GRID1: variants seen among roughly 807,000 people sequenced by gnomAD.
GRID1 encodes the protein glutamate receptor ionotropic, delta-1.
In GRID1, 28 loss-of-function variants were observed where a neutral mutation model predicts 98.0. The ratio of observed to expected loss-of-function variants is 0.29; its 90% CI spans 0.21 to 0.39. The LOEUF (loss-of-function observed/expected upper bound fraction) is 0.39, where lower values mean the gene tolerates loss of function less well. GRID1 is among the 10% of genes least tolerant of loss of function. The pLI, the probability that GRID1 is intolerant of heterozygous loss-of-function variation, is 1.00. For synonymous variants in GRID1, 553 were observed against 538.5 expected, an observed-to-expected ratio of 1.03 and a Z score of -0.37; for missense variants, 1,111 against 1,340.5, an observed-to-expected ratio of 0.83 and a Z score of 2.67.
At chr10:86,085,403 C>G (rs1350889877) in intron 4 of GRID1, among the ~76,000 whole-genome samples, 1 of 152,096 alleles carries the variant, frequency 6.6e-6, no homozygotes, top group Non-Finnish European at 1.5e-5. Flanking sequence ...CAGATGCAGG[C>G]AAGTGTGAGA....
intron 5 of GRID1, among the ~76,000 whole-genome samples, chr10:85,876,582 A>G (rs1487421872): frequency 3.3e-5 from 5 of 152,190 alleles, no homozygotes; most frequent in African/African-American, 9.7e-5. Context: ...GGAGTCCATT[A>G]TTCAGCCCAC....
At chr10:85,614,690 C>T (rs1054510212) in intron 14 of GRID1, among the ~76,000 whole-genome samples, 4 of 152,220 alleles carry the variant, frequency 2.6e-5, no homozygotes, top group Middle Eastern at 3.4e-3. Context: ...GATATGGGAG[C>T]AGGCATTAGG....
chr10:85,926,877 T>C (rs571037863), intron 4 of GRID1, among the ~76,000 whole-genome samples: 2 of 152,282 alleles, frequency 1.3e-5, no homozygotes, highest in South Asian at 4.1e-4. Flanking sequence ...AAATTAGCCA[T>C]AAAGATTTCT....
At chr10:85,860,559 G>A (rs1253943634) in intron 6 of GRID1, among the ~76,000 whole-genome samples, 5 of 152,122 alleles carry the variant, frequency 3.3e-5, no homozygotes, top group Admixed American at 2.6e-4. Flanking sequence ...GGGACTGGAT[G>A]GTTTCATTTA....
chr10:85,892,458 G>A (rs531339549), intron 5 of GRID1, among the ~76,000 whole-genome samples: 22 of 151,534 alleles, frequency 1.5e-4, no homozygotes, highest in Admixed American at 5.9e-4. Context: ...AAGAAGATCC[G>A]ATATGCAGGG....
chr10:85,623,681 AG>A lies in GRID1; in HGVS notation c.2194-3649del, dbSNP rs773015267. Among the ~76,000 whole-genome samples, 4 of 152,174 alleles carry A rather than the reference AG, an allele frequency of 2.6e-5. No individual in the cohort carries two copies. The East Asian group carries it at 7.7e-4, about 29-fold the overall frequency. On this transcript the variant is annotated intron_variant, in intron 13 of 15. Coordinates refer to ENST00000327946, the MANE Select transcript of GRID1 (RefSeq NM_017551.3). Reference sequence around the variant, plus strand: ...TTCCTCCAATCCCACTCCTAGGTTCAGACCCCTCCTCTGTGGGTGCAACCTC... The same window carrying A: ...TTCCTCCAATCCCACTCCTAGGTTCAACCCCTCCTCTGTGGGTGCAACCTC...
intron 12 of GRID1, 41 bp downstream of exon 12, chr10:85,722,962 C>T (rs776183677): frequency 1.5e-5 from 23 of 1,573,938 alleles, no homozygotes; most frequent in Non-Finnish European, 2.0e-5. Context: ...TTTAAAGCCT[C>T]TCTGAGCTGC....
chr10:85,855,940 G>A, intron 7 of GRID1, 89 bp downstream of exon 7: 2 of 1,220,018 alleles, frequency 1.6e-6, no homozygotes, highest in Non-Finnish European at 2.4e-6. Flanking sequence ...ACAGAGCCTA[G>A]CTTCAGGCCA....
At chr10:86,094,190 C>T (rs374316932) in intron 4 of GRID1, among the ~76,000 whole-genome samples, 31 of 152,302 alleles carry the variant, frequency 2.0e-4, no homozygotes, top group African/African-American at 7.2e-4. Flanking sequence ...ATACAAGGGA[C>T]ATACCTTAAT....
chr10:86,235,815 C>T (rs1846529135), intron 2 of GRID1, among the ~76,000 whole-genome samples: 1 of 152,156 alleles, frequency 6.6e-6, no homozygotes, highest in Non-Finnish European at 1.5e-5. Flanking sequence ...TGTGTTGTAT[C>T]CAGTTTGAGG....
At chr10:86,302,598 A>C (rs1040904823) in intron 2 of GRID1, among the ~76,000 whole-genome samples, 2 of 152,088 alleles carry the variant, frequency 1.3e-5, no homozygotes, top group Non-Finnish European at 2.9e-5. Flanking sequence ...CTTACCACAA[A>C]TGCCTTCCCT....
chr10:86,018,990 T>A (rs886303668), intron 4 of GRID1, among the ~76,000 whole-genome samples: 1 of 152,196 alleles, frequency 6.6e-6, no homozygotes, highest in African/African-American at 2.4e-5. Flanking sequence ...CAGCTCCAAA[T>A]CAGAAGGCAC....
At chr10:85,707,340 A>G (rs1465333600) in intron 12 of GRID1, among the ~76,000 whole-genome samples, 1 of 152,236 alleles carries the variant, frequency 6.6e-6, no homozygotes, top group Non-Finnish European at 1.5e-5. Flanking sequence ...GAAGACATTT[A>G]TGCAGCCAAC....
intron 8 of GRID1, among the ~76,000 whole-genome samples, chr10:85,793,903 A>G (rs1191384699): frequency 6.6e-6 from 1 of 152,220 alleles, no homozygotes; most frequent in Non-Finnish European, 1.5e-5. Context: ...GCCCTGCATT[A>G]AATGAATTTA....
intron 4 of GRID1, among the ~76,000 whole-genome samples, chr10:86,105,755 A>G (rs534729649): frequency 1.3e-5 from 2 of 152,356 alleles, no homozygotes; most frequent in Non-Finnish European, 2.9e-5. Context: ...ACATCAGTCA[A>G]ATAAGCCTGT....
rs1270928578 is a variant in GRID1, at chr10:86,366,337, C to A, written c.56G>T (p.Arg19Leu). The change falls in exon 1 of 16, where the codon CGG becomes CTG. Residue 19 changes from arginine to leucine, a missense_variant. Arg to Leu is a moderately radical substitution (Grantham distance 102, BLOSUM62 -2). Around this residue, in one of 3 missense-constraint regions of GRID1, gnomAD observed 346 missense variants for 452.3 expected, o/e 0.76. Transcript: ENST00000327946. The surrounding 1 kb of genome is among the most constrained non-coding windows in gnomAD (Gnocchi z 4.1). The stretch of plus-strand genomic sequence containing the variant: ...ACCGATGTGGATGATGGAGTCGGCC[C>A]GCACCGACACGCACTGGCATATCCA... Reference protein sequence around the residue: ...LPWICQCVSVRADSIIHIGAI... With the variant: ...LPWICQCVSVLADSIIHIGAI... The A allele has an allele frequency of 6.6e-7, 1 of 1,518,690 alleles. No homozygotes were observed. The highest frequency in any genetic ancestry group is 8.8e-7 in the Non-Finnish European group (1 of 1,131,420). 94.1% of individuals were successfully genotyped at this position (1,518,690 alleles called of 1,614,324 possible).
chr10:86,002,891 A>G (rs1260354873), intron 4 of GRID1, among the ~76,000 whole-genome samples: 5 of 152,256 alleles, frequency 3.3e-5, no homozygotes, highest in Non-Finnish European at 7.3e-5. Context: ...AAAGATAAAC[A>G]GAAGAAAGCC....
chr10:85,762,211 C>T (rs1880381), intron 8 of GRID1, among the ~76,000 whole-genome samples: 6,346 of 152,210 alleles, frequency 0.042, 196 homozygotes, highest in African/African-American at 0.084. Flanking sequence ...ACAGTGATGT[C>T]GATGAAATGC....
chr10:86,299,231 T>C (rs1847644570), intron 2 of GRID1, among the ~76,000 whole-genome samples: 1 of 148,008 alleles, frequency 6.8e-6, no homozygotes, highest in African/African-American at 2.5e-5. Flanking sequence ...ATGTCTACAT[T>C]TATTCATCCT....
Sources: allele counts gnomAD v4.1 joint callset (sites outside exome capture counted in the v4.1 genomes callset), GRCh38; gene constraint gnomAD v4.1.1; regional missense constraint gnomAD v4.1.1; non-coding constraint Gnocchi (gnomAD v3.1); transcripts MANE v1.5; gene names NCBI Gene and HGNC (gene_info 2026-07-23, HGNC 2026-07-21).